Variants in LMO1 observed in about 807,000 individuals in gnomAD.
The protein encoded by LMO1 is LIM domain only 1, also known as rhombotin-1.
A neutral mutation model predicts 18.0 loss-of-function variants in LMO1; 10 were observed. The ratio of observed to expected loss-of-function variants is 0.55; its 90% CI spans 0.34 to 0.94. The LOEUF is 0.94. Among genes scored for constraint, LMO1 ranks in the 40% least tolerant of loss-of-function variants. LMO1 has a pLI of 0.02. For synonymous variants in LMO1, 77 were observed against 77.9 expected, an observed-to-expected ratio of 0.99 and a Z score of 0.06; for missense variants, 183 against 205.7, an observed-to-expected ratio of 0.89 and a Z score of 0.68.
At chr11:8,228,069 T>G (rs936768067) in intron 2 of LMO1, among the ~76,000 whole-genome samples, 1 of 152,264 alleles carries the variant, frequency 6.6e-6, no homozygotes, top group South Asian at 2.1e-4. Context: ...TTTATCCTTC[T>G]GTAAAATAGG....
At chr11:8,239,820 G>C (rs553979154) in intron 1 of LMO1, among the ~76,000 whole-genome samples, 1 of 152,308 alleles carries the variant, frequency 6.6e-6, no homozygotes, top group East Asian at 1.9e-4. Flanking sequence ...GAAGGCCTAA[G>C]GGAAGCACTG....
At chr11:8,244,547 A>AG (rs1846862302) in intron 1 of LMO1, among the ~76,000 whole-genome samples, 3 of 152,376 alleles carry the variant, frequency 2.0e-5, no homozygotes, top group South Asian at 2.1e-4. Context: ...AGTTTGGGGA[A>AG]GAAAGGAGGG....
At chr11:8,245,564 T>C (rs1185056255) in intron 1 of LMO1, among the ~76,000 whole-genome samples, 1 of 152,162 alleles carries the variant, frequency 6.6e-6, no homozygotes, top group Non-Finnish European at 1.5e-5. Flanking sequence ...ATCAGAAAAC[T>C]GAAGCCAGCA....
At chr11:8,249,559 G>A (rs11604384) in intron 1 of LMO1, among the ~76,000 whole-genome samples, 16,916 of 152,186 alleles carry the variant, frequency 0.11, 1,495 homozygotes, top group African/African-American at 0.24. Flanking sequence ...GTCATACCCC[G>A]AACCTCAGCA....
At chr11:8,266,480 A>G (rs1266873997), upstream of LMO1, among the ~76,000 whole-genome samples, 2 of 152,058 alleles carry the variant, frequency 1.3e-5, no homozygotes, top group Non-Finnish European at 2.9e-5. Context: ...CCCCCAACAC[A>G]TTCCACAGGT....
intron 1 of LMO1, among the ~76,000 whole-genome samples, chr11:8,252,877 T>C (rs563166603): frequency 6.6e-6 from 1 of 152,374 alleles, no homozygotes; most frequent in East Asian, 1.9e-4. Context: ...TAAGTAGGTA[T>C]TGTTTCTAGC....
rs368860054 is a variant in LMO1, at chr11:8,263,396, C to A, written c.-34G>T. 1.3e-6 allele frequency: 2 copies of A among 1,598,292 alleles called. No homozygotes were observed. The highest frequency in any genetic ancestry group is 2.2e-5 in the South Asian group (2 of 89,700). On this transcript the variant is annotated 5_prime_UTR_variant, in exon 1 of 4. Transcript: ENST00000335790. Reference sequence around the variant, plus strand: ...CTCCGTGTCCAGCCGCAGCTAGGCTCGGCCGGGAGAAGGGCGCCGACTCGG... The same window carrying A: ...CTCCGTGTCCAGCCGCAGCTAGGCTAGGCCGGGAGAAGGGCGCCGACTCGG...
chr11:8,253,545 G>C (rs939621465), intron 1 of LMO1, among the ~76,000 whole-genome samples: 2 of 152,170 alleles, frequency 1.3e-5, no homozygotes, highest in African/African-American at 4.8e-5. Flanking sequence ...TAGGAAAACT[G>C]AGAATCAGAG....
chr11:8,264,993 A>C (rs1236924905), upstream of LMO1, among the ~76,000 whole-genome samples: 1 of 152,212 alleles, frequency 6.6e-6, no homozygotes, highest in Non-Finnish European at 1.5e-5. Flanking sequence ...CAGAGTTCCA[A>C]GGTGGGATAG....
At chr11:8,238,203 G>A (rs901646561) in intron 1 of LMO1, among the ~76,000 whole-genome samples, 78 of 152,158 alleles carry the variant, frequency 5.1e-4, no homozygotes, top group Non-Finnish European at 1.0e-3. Flanking sequence ...TGGTATATTC[G>A]TACAATGGAA....
chr11:8,226,893 C>G (rs2290451), intron 3 of LMO1, 82 bp downstream of exon 3: 365,322 of 1,511,938 alleles, frequency 0.24, 47,018 homozygotes, highest in Non-Finnish European at 0.27. Context: ...GCGTGCACGC[C>G]TCCGCCGTGC....
chr11:8,250,527 A>T (rs968347136), intron 1 of LMO1, among the ~76,000 whole-genome samples: 1 of 152,228 alleles, frequency 6.6e-6, no homozygotes, highest in African/African-American at 2.4e-5. Flanking sequence ...TGAACTCTGC[A>T]TTTGGGTGGA....
At chr11:8,246,502 C>A (rs444284) in intron 1 of LMO1, among the ~76,000 whole-genome samples, 128,173 of 152,154 alleles carry the variant, frequency 0.84, 55,192 homozygotes, top group East Asian at 0.96. Context: ...GCTATACAGA[C>A]AGAAAGTAGT....
At chr11:8,265,619 G>A (rs577215920), upstream of LMO1, among the ~76,000 whole-genome samples, 2 of 152,202 alleles carry the variant, frequency 1.3e-5, no homozygotes, top group South Asian at 2.1e-4. Context: ...TCAGGACTGC[G>A]AGCTTGATCT....
At chr11:8,225,404 CAA>C (rs34847129) in intron 3 of LMO1, among the ~76,000 whole-genome samples, 50 of 34,696 alleles carry the variant, frequency 1.4e-3, no homozygotes, top group African/African-American at 3.8e-3. Context: ...GACTCCATCT[CAA>C]AAAAAAAAAA....
At chr11:8,234,723 C>A (rs559844302) in intron 1 of LMO1, among the ~76,000 whole-genome samples, 2 of 152,330 alleles carry the variant, frequency 1.3e-5, no homozygotes, top group East Asian at 3.9e-4. Flanking sequence ...GTGTCTCCTG[C>A]TTGGCACTGC....
At chr11:8,235,641 T>C (rs1590534275) in intron 1 of LMO1, among the ~76,000 whole-genome samples, 1 of 152,328 alleles carries the variant, frequency 6.6e-6, no homozygotes, top group South Asian at 2.1e-4. Context: ...TCCTAAACGT[T>C]TCTTTTGTGT....
upstream of LMO1, among the ~76,000 whole-genome samples, chr11:8,264,652 G>C (rs2134594674): frequency 6.6e-6 from 1 of 151,836 alleles, no homozygotes; most frequent in East Asian, 1.9e-4. Context: ...TCTTTTTTAA[G>C]ATGGAGTCTT....
intron 3 of LMO1, among the ~76,000 whole-genome samples, chr11:8,225,869 T>A (rs1408176843): frequency 6.6e-6 from 1 of 152,216 alleles, no homozygotes; most frequent in African/African-American, 2.4e-5. Flanking sequence ...AGCACTTGTA[T>A]GCGTTCCTAC....
Sources: allele counts gnomAD v4.1 joint callset (sites outside exome capture counted in the v4.1 genomes callset), GRCh38; gene constraint gnomAD v4.1.1; transcripts MANE v1.5; gene names NCBI Gene and HGNC (gene_info 2026-07-23, HGNC 2026-07-21).